Variants in P4HA3 observed in about 807,000 individuals in gnomAD.
P4HA3 encodes the protein prolyl 4-hydroxylase subunit alpha-3.
P4HA3 carries 60 observed loss-of-function variants against 66.7 expected under a neutral mutation model. That is an observed-to-expected ratio of 0.90 (90% confidence interval 0.73 to 1.12). The LOEUF is 1.12. P4HA3 is among the 50% of genes most tolerant of loss of function. The pLI, the probability that P4HA3 is intolerant of heterozygous loss-of-function variation, is 0.00. For synonymous variants in P4HA3, 263 were observed against 274.6 expected (o/e 0.96, Z 0.42); for missense variants, 683 against 685.8 (o/e 1.00, Z 0.05).
chr11:74,250,921 C>T (rs199615688), intron 15 of P4HA3: 38 of 1,549,186 alleles, frequency 2.5e-5, no homozygotes, highest in Non-Finnish European at 2.9e-5. Flanking sequence ...CTCTTTTAGT[C>T]GCTGAAGTTG....
intron 7 of P4HA3, among the ~76,000 whole-genome samples, chr11:74,283,724 T>C (rs1860687404): frequency 6.6e-6 from 1 of 152,216 alleles, no homozygotes; most frequent in South Asian, 2.1e-4. Context: ...TATCAGGCCC[T>C]TGCACATACT....
downstream of P4HA3, among the ~76,000 whole-genome samples, chr11:74,262,277 C>A (rs549420470): frequency 2.0e-5 from 3 of 152,240 alleles, no homozygotes; most frequent in South Asian, 2.1e-4. Flanking sequence ...TGCAAACATG[C>A]CCCTGTCAAG....
At chr11:74,277,168 C>A in intron 8 of P4HA3, 24 bp from the exon 9 acceptor site, 1 of 1,591,324 alleles carries the variant, frequency 6.3e-7, no homozygotes, top group Non-Finnish European at 8.6e-7. Flanking sequence ...CAGATTGAAG[C>A]ATCAATGATC....
chr11:74,289,423 T>C (rs572371876), intron 4 of P4HA3, among the ~76,000 whole-genome samples: 1 of 152,242 alleles, frequency 6.6e-6, no homozygotes, highest in South Asian at 2.1e-4. Context: ...TTTTTTGTTT[T>C]CTGTTGAATT....
At chr11:74,264,664 A>G (rs1466155908), downstream of P4HA3, among the ~76,000 whole-genome samples, 1 of 152,224 alleles carries the variant, frequency 6.6e-6, no homozygotes, top group African/African-American at 2.4e-5. Context: ...GGCTTTCTCA[A>G]CTATCCCAAA....
Position 74,304,419 on chromosome 11 carries a change from G to A in P4HA3, c.201-7C>T, listed in dbSNP as rs377436912. 1.7e-4 allele frequency: 273 copies of A among 1,613,830 alleles called. No homozygotes were observed. Among genetic ancestry groups the A allele is most frequent in the Non-Finnish European group, 2.1e-4 (249 of 1,179,898 alleles). ...AAGTACCTTGTCGTAGAATCTGAAA[G>A]AAAGGAGTAGAATGATCTCACCTCC... On this transcript the variant is annotated splice_region_variant and splice_polypyrimidine_tract_variant and intron_variant, in intron 1 of 12. Coordinates refer to ENST00000331597, the MANE Select transcript of P4HA3 (RefSeq NM_182904.5).
chr11:74,281,060 G>A lies in P4HA3; in HGVS notation c.1111-1608C>T, dbSNP rs1004269397. ...AAAACAACCCCATCAAAAAGTGGGC[G>A]AAGGACATGAACAGACACTTCTCAA... On this transcript the variant is annotated intron_variant, in intron 7 of 12. Coordinates refer to ENST00000331597, the MANE Select transcript of P4HA3 (RefSeq NM_182904.5). Among the ~76,000 whole-genome samples the A allele has an allele frequency of 9.3e-4, 141 of 152,184 alleles. 2 individuals are homozygous for A. Among genetic ancestry groups the A allele is most frequent in the African/African-American group, 2.5e-3 (105 of 41,522 alleles).
At position 74,294,994 on chromosome 11, in the gene P4HA3, C is replaced by T. The variant is rs539975146; in HGVS notation, c.717+3218G>A. Among the ~76,000 whole-genome samples the T allele has an allele frequency of 2.0e-5, 3 of 152,270 alleles. No homozygotes were observed. In the East Asian group the frequency reaches 5.8e-4, roughly 29 times the overall value. On this transcript the variant is annotated intron_variant, in intron 4 of 12. Transcript: ENST00000331597. ...AGCTCAGTTGGAAATGCAGAAATCA[C>T]CCGTCTTTTGTGTCACTCACGCTGG...
At position 74,286,388 on chromosome 11, in the gene P4HA3, G is replaced by T; in HGVS notation, c.773C>A (p.Pro258Gln). The change falls in exon 6 of 13, where the codon CCA becomes CAA. Residue 258 changes from proline (P) to glutamine (Q), a missense_variant. Transcript: ENST00000331597. The stretch of plus-strand genomic sequence containing the variant: ...ATTCCTGGCCATCCTCTTATTATCT[G>T]GGCCTGGAAGAAATCAGAGCAGGGA... ...SLSREFLLYS[P>Q]DNKRMARNVL... 1 of 1,535,580 alleles carries T rather than the reference G, an allele frequency of 6.5e-7. No homozygotes were observed. The highest frequency in any genetic ancestry group is 8.8e-7 in the Non-Finnish European group (1 of 1,142,808).
intron 15 of P4HA3, among the ~76,000 whole-genome samples, chr11:74,257,371 C>T (rs565444840): frequency 2.6e-5 from 4 of 152,196 alleles, no homozygotes; most frequent in African/African-American, 7.2e-5. Context: ...GTGATCTGCC[C>T]GCCTCAGCTT....
chr11:74,255,140 G>A (rs549983364), intron 15 of P4HA3, among the ~76,000 whole-genome samples: 13 of 152,150 alleles, frequency 8.5e-5, no homozygotes, highest in Middle Eastern at 3.4e-3. Context: ...ACCTTCCCCC[G>A]GAAACTTGCT....
At chr11:74,270,965 G>A (rs1565405052) in intron 10 of P4HA3, among the ~76,000 whole-genome samples, 1 of 152,206 alleles carries the variant, frequency 6.6e-6, no homozygotes, top group South Asian at 2.1e-4. Flanking sequence ...ACATGCATAA[G>A]TTTCATACTT....
chr11:74,264,755 T>C (rs1859963195), downstream of P4HA3, among the ~76,000 whole-genome samples: 2 of 152,250 alleles, frequency 1.3e-5, no homozygotes. Context: ...CACATTGTGC[T>C]TCAATGACAC....
At chr11:74,276,864 G>A (rs937033836) in intron 9 of P4HA3, 121 bp downstream of exon 9, 1 of 1,127,990 alleles carries the variant, frequency 8.9e-7, no homozygotes, top group South Asian at 2.0e-5. Context: ...TCTGGAAAAA[G>A]AACCTTTGTT....
intron 4 of P4HA3, among the ~76,000 whole-genome samples, chr11:74,291,706 G>C (rs191061076): frequency 0.017 from 2,610 of 152,292 alleles, 66 homozygotes; most frequent in African/African-American, 0.057. Context: ...AGATAATCAT[G>C]TGGTTTTTGT....
At chr11:74,292,656 C>A (rs1861071748) in intron 4 of P4HA3, among the ~76,000 whole-genome samples, 1 of 152,062 alleles carries the variant, frequency 6.6e-6, no homozygotes, top group Admixed American at 6.6e-5. Context: ...TCTTTGTTCT[C>A]GTTGGTTTCA....
At position 74,273,680 on chromosome 11, in the gene P4HA3, A is replaced by G. The variant is rs148448652; in HGVS notation, c.1336-73T>C. 3.1e-3 allele frequency: 3,859 copies of G among 1,226,352 alleles called. 109 individuals carry two copies. In the African/African-American group the frequency reaches 0.054, roughly 17 times the overall value. 76.0% of individuals were successfully genotyped at this position (1,226,352 alleles called of 1,614,324 possible). ...GAGGGACAGGCAGGATTCCACTATT[A>G]ATACAAATAGAAGTAAAATGGGGGC... On this transcript the variant is annotated intron_variant, in intron 9 of 12. Transcript: ENST00000331597.
At chr11:74,271,356 T>C (rs1456561712) in intron 10 of P4HA3, among the ~76,000 whole-genome samples, 2 of 152,160 alleles carry the variant, frequency 1.3e-5, no homozygotes, top group African/African-American at 4.8e-5. Context: ...CCTGCATTCT[T>C]TTACCTGTGG....
chr11:74,303,567 C>T lies in P4HA3; in HGVS notation c.343+703G>A, dbSNP rs1861483219. Among the ~76,000 whole-genome samples, 3 of 149,816 alleles carry T rather than the reference C, an allele frequency of 2.0e-5. No homozygotes were observed. In the Admixed American group the frequency reaches 2.0e-4, roughly 10 times the overall value. The stretch of plus-strand genomic sequence containing the variant: ...GGATTACAGGCATGAACCACTGTGC[C>T]CAGCCCAAAAGTCAACACTTTTTTT... On this transcript the variant is annotated intron_variant, in intron 2 of 12. Coordinates refer to ENST00000331597, the MANE Select transcript of P4HA3 (RefSeq NM_182904.5).
Sources: gnomAD v4.1 joint callset for allele counts (sites outside exome capture counted in the v4.1 genomes callset) on GRCh38, gnomAD v4.1.1 for gene constraint, MANE v1.5 for transcripts, NCBI Gene and HGNC (gene_info 2026-07-23, HGNC 2026-07-21) for gene names.